PRKG1: variants seen among roughly 807,000 people sequenced by gnomAD.
PRKG1 encodes the protein cGMP-dependent protein kinase 1.
PRKG1 carries 35 observed loss-of-function variants against 88.1 expected under a neutral mutation model. The observed-to-expected ratio is 0.40, with a 90% CI of 0.30 to 0.53. PRKG1 has a LOEUF of 0.53. Ranked by LOEUF, PRKG1 falls within the 20% of genes least tolerant of loss-of-function variation. PRKG1 has a pLI of 0.59. For missense variants in PRKG1, 540 were observed against 839.8 expected, an observed-to-expected ratio of 0.64 and a Z score of 4.41; for synonymous variants, 303 against 292.5, an observed-to-expected ratio of 1.04 and a Z score of -0.37.
At chr10:51,182,617 T>C (rs1564630116) in intron 2 of PRKG1, among the ~76,000 whole-genome samples, 1 of 152,140 alleles carries the variant, frequency 6.6e-6, no homozygotes, top group Non-Finnish European at 1.5e-5. Context: ...TAGGAGTGCA[T>C]GTGTGCAGGC....
chr10:51,828,305 C>T (rs1425343535), intron 4 of PRKG1, among the ~76,000 whole-genome samples: 1 of 151,640 alleles, frequency 6.6e-6, no homozygotes, highest in East Asian at 1.9e-4. Context: ...TCATAATCCT[C>T]ACGTGAAAAA....
chr10:51,815,289 T>A (rs767734486), intron 4 of PRKG1, among the ~76,000 whole-genome samples: 1 of 152,234 alleles, frequency 6.6e-6, no homozygotes, highest in Non-Finnish European at 1.5e-5. Flanking sequence ...AACAGTTCCA[T>A]GCTTGTAAAA....
intron 9 of PRKG1, among the ~76,000 whole-genome samples, chr10:52,196,077 A>T (rs958158541): frequency 6.6e-6 from 1 of 152,024 alleles, no homozygotes; most frequent in African/African-American, 2.4e-5. Context: ...CAGTGGCACG[A>T]TCTCGGCTCA....
intron 10 of PRKG1, among the ~76,000 whole-genome samples, chr10:52,257,356 T>C (rs910073519): frequency 4.4e-5 from 6 of 136,894 alleles, no homozygotes; most frequent in African/African-American, 1.5e-4. Flanking sequence ...AACTAAGAGG[T>C]GATTAAGCAA....
intron 9 of PRKG1, among the ~76,000 whole-genome samples, chr10:52,166,839 G>GTA (rs375678645): frequency 0.027 from 2,461 of 90,366 alleles, 138 homozygotes; most frequent in African/African-American, 0.099. Context: ...GTATATATAT[G>GTA]TATATATATG....
intron 9 of PRKG1, among the ~76,000 whole-genome samples, chr10:52,168,736 T>C (rs1838569029): frequency 6.6e-6 from 1 of 151,702 alleles, no homozygotes; most frequent in South Asian, 2.1e-4. Context: ...GAGAGATATT[T>C]AGGTGGCAAA....
intron 5 of PRKG1, among the ~76,000 whole-genome samples, chr10:51,943,172 C>T (rs1383412497): frequency 6.6e-6 from 1 of 151,994 alleles, no homozygotes; most frequent in Non-Finnish European, 1.5e-5. Context: ...CCTTCACGTC[C>T]CTTGGAAGTT....
At chr10:51,986,075 A>T (rs2133118632) in intron 5 of PRKG1, among the ~76,000 whole-genome samples, 1 of 152,256 alleles carries the variant, frequency 6.6e-6, no homozygotes, top group South Asian at 2.1e-4. Flanking sequence ...GCTCACTCTC[A>T]CTGTCCAGAA....
intron 2 of PRKG1, among the ~76,000 whole-genome samples, chr10:51,421,734 T>C (rs1312984861): frequency 6.6e-6 from 1 of 152,212 alleles, no homozygotes; most frequent in Non-Finnish European, 1.5e-5. Context: ...TTCCTTTAAG[T>C]TCTTGACTCA....
intron 9 of PRKG1, among the ~76,000 whole-genome samples, chr10:52,200,628 T>G (rs1305151727): frequency 6.6e-6 from 1 of 152,162 alleles, no homozygotes; most frequent in Non-Finnish European, 1.5e-5. Flanking sequence ...TTTGAGAAAT[T>G]ATCAGACTGC....
chr10:52,249,171 T>G (rs1326380030), intron 9 of PRKG1, among the ~76,000 whole-genome samples: 1 of 149,626 alleles, frequency 6.7e-6, no homozygotes, highest in Non-Finnish European at 1.5e-5. Context: ...TTTATTCCTA[T>G]TGCTCTAGGA....
At chr10:51,986,121 C>A (rs1175683873) in intron 5 of PRKG1, among the ~76,000 whole-genome samples, 1 of 152,062 alleles carries the variant, frequency 6.6e-6, no homozygotes, top group African/African-American at 2.4e-5. Flanking sequence ...ATTACTAACC[C>A]AGGAAAGGGT....
At chr10:51,590,721 AG>A (rs1456068629) in intron 3 of PRKG1, among the ~76,000 whole-genome samples, 2 of 152,084 alleles carry the variant, frequency 1.3e-5, no homozygotes, top group Admixed American at 1.3e-4. Flanking sequence ...TGTGTCATCA[AG>A]CACAATTAAT....
intron 4 of PRKG1, among the ~76,000 whole-genome samples, chr10:51,903,520 C>T (rs927890000): frequency 2.0e-5 from 3 of 152,106 alleles, no homozygotes; most frequent in Non-Finnish European, 4.4e-5. Context: ...TCTATGCACA[C>T]ACACAGAAGA....
At chr10:52,029,880 CA>C (rs1564437439) in intron 5 of PRKG1, among the ~76,000 whole-genome samples, 2 of 152,054 alleles carry the variant, frequency 1.3e-5, no homozygotes, top group East Asian at 1.9e-4. Context: ...GTCTCTCCTG[CA>C]AAAAAAGTAT....
At chr10:51,132,026 G>C (rs1845578518) in intron 1 of PRKG1, among the ~76,000 whole-genome samples, 1 of 151,952 alleles carries the variant, frequency 6.6e-6, no homozygotes, top group African/African-American at 2.4e-5. Context: ...TCTATTCCCA[G>C]CCCACCCCTC....
At chr10:52,027,802 T>A (rs1011290578) in intron 5 of PRKG1, among the ~76,000 whole-genome samples, 4 of 151,158 alleles carry the variant, frequency 2.6e-5, no homozygotes, top group Non-Finnish European at 4.4e-5. Flanking sequence ...TATTATTATT[T>A]ATTTGAGACA....
intron 2 of PRKG1, among the ~76,000 whole-genome samples, chr10:51,157,034 T>C (rs1473503293): frequency 6.6e-6 from 1 of 151,998 alleles, no homozygotes; most frequent in Admixed American, 6.6e-5. Flanking sequence ...CATAAAATGC[T>C]TAACATGTGC....
chr10:51,785,026 C>T (rs1051408728), intron 3 of PRKG1, among the ~76,000 whole-genome samples: 9 of 151,140 alleles, frequency 6.0e-5, no homozygotes, highest in African/African-American at 2.2e-4. Context: ...TTCTTTCTTC[C>T]TTCTTTAGGC....
Sources: gnomAD v4.1 joint callset for allele counts (sites outside exome capture counted in the v4.1 genomes callset) on GRCh38, gnomAD v4.1.1 for gene constraint, MANE v1.5 for transcripts, NCBI Gene and HGNC (gene_info 2026-07-23, HGNC 2026-07-21) for gene names.